Variants in CSMD1 observed in about 807,000 individuals in gnomAD.
CSMD1 encodes CUB and sushi domain-containing protein 1.
In CSMD1, 213 loss-of-function variants were observed where a neutral mutation model predicts 417.5. The observed-to-expected ratio is 0.51, with a 90% confidence interval of 0.46 to 0.57. CSMD1 has a LOEUF of 0.57. Ranked by LOEUF, CSMD1 falls within the 20% of genes least tolerant of loss-of-function variation. The pLI is 0.00. For missense variants in CSMD1, 6,923 were observed against 4,529.7 expected, an observed-to-expected ratio of 1.53 and a Z score of -15.17; for synonymous variants, 2,862 against 1,736.8, an observed-to-expected ratio of 1.65 and a Z score of -16.11.
chr8:3,240,351 T>G (rs576536986), intron 26 of CSMD1, among the ~76,000 whole-genome samples: 8 of 152,230 alleles, frequency 5.3e-5, no homozygotes, highest in Admixed American at 4.6e-4. Flanking sequence ...TTTGTGAGTT[T>G]ATATAATGGT....
intron 50 of CSMD1, among the ~76,000 whole-genome samples, chr8:3,048,564 G>A (rs572292475): frequency 2.0e-4 from 30 of 152,182 alleles, no homozygotes; most frequent in Non-Finnish European, 3.5e-4. Context: ...CAGACCTTTT[G>A]CCCTTCAGAA....
intron 3 of CSMD1, among the ~76,000 whole-genome samples, chr8:4,213,123 C>G (rs1800422817): frequency 1.3e-5 from 2 of 152,058 alleles, no homozygotes; most frequent in African/African-American, 4.8e-5. Flanking sequence ...TGCTTAGACT[C>G]AAAGACAACA....
intron 11 of CSMD1, among the ~76,000 whole-genome samples, chr8:3,485,674 C>G (rs1817987799): frequency 6.6e-6 from 1 of 151,592 alleles, no homozygotes; most frequent in Non-Finnish European, 1.5e-5. Context: ...GCATGAGAAT[C>G]CCTTGAACTT....
chr8:4,146,602 T>TTTC (rs1195535202), intron 3 of CSMD1, among the ~76,000 whole-genome samples: 3 of 48,486 alleles, frequency 6.2e-5, no homozygotes, highest in Non-Finnish European at 1.0e-4. Context: ...ACATTTTTTT[T>TTTC]TTTTTTTTTT....
chr8:3,574,543 G>A (rs144639167), intron 10 of CSMD1, among the ~76,000 whole-genome samples: 78 of 152,226 alleles, frequency 5.1e-4, no homozygotes, highest in South Asian at 1.0e-3. Flanking sequence ...GACTGAGCCC[G>A]GCCAAAAGAC....
intron 2 of CSMD1, among the ~76,000 whole-genome samples, chr8:4,633,625 G>A (rs1802666657): frequency 6.6e-6 from 1 of 151,736 alleles, no homozygotes; most frequent in East Asian, 1.9e-4. Flanking sequence ...GGCATGATCT[G>A]CACTCACTGC....
chr8:4,927,785 G>T (rs192241363), intron 1 of CSMD1, among the ~76,000 whole-genome samples: 356 of 152,202 alleles, frequency 2.3e-3, no homozygotes, highest in African/African-American at 7.8e-3. Flanking sequence ...CTGAAACCTT[G>T]GATTCCAACT....
chr8:4,040,180 G>A (rs1165682336), intron 3 of CSMD1, among the ~76,000 whole-genome samples: 4 of 152,140 alleles, frequency 2.6e-5, no homozygotes, highest in African/African-American at 9.7e-5. Context: ...TAGTTGTAAT[G>A]GAAGTGAAGG....
At chr8:4,128,880 G>C (rs1463337610) in intron 3 of CSMD1, among the ~76,000 whole-genome samples, 1 of 152,008 alleles carries the variant, frequency 6.6e-6, no homozygotes, top group African/African-American at 2.4e-5. Flanking sequence ...GCTGTATCAT[G>C]AATATTTCTG....
intron 1 of CSMD1, among the ~76,000 whole-genome samples, chr8:4,909,909 G>C (rs1805550341): frequency 6.6e-6 from 1 of 152,142 alleles, no homozygotes. Flanking sequence ...CTTCTTATGA[G>C]GATGGGAGTG....
intron 41 of CSMD1, among the ~76,000 whole-genome samples, chr8:3,129,911 G>C (rs151068109): frequency 8.6e-5 from 13 of 152,044 alleles, no homozygotes; most frequent in Non-Finnish European, 1.9e-4. Flanking sequence ...AGCCCGGGGG[G>C]CGGAGGTTGC....
intron 3 of CSMD1, among the ~76,000 whole-genome samples, chr8:4,120,866 T>C (rs1802447943): frequency 6.6e-6 from 1 of 152,168 alleles, no homozygotes; most frequent in South Asian, 2.1e-4. Flanking sequence ...CAGAAACAAA[T>C]TTTTTCTGTT....
chr8:4,630,748 C>G (rs573954018), intron 2 of CSMD1, among the ~76,000 whole-genome samples: 10 of 152,218 alleles, frequency 6.6e-5, no homozygotes, highest in African/African-American at 1.9e-4. Flanking sequence ...ACCTGTTGAA[C>G]CAGGTTTCTA....
intron 50 of CSMD1, among the ~76,000 whole-genome samples, chr8:3,048,360 C>T (rs1221508097): frequency 1.3e-5 from 2 of 152,104 alleles, no homozygotes; most frequent in Non-Finnish European, 2.9e-5. Flanking sequence ...GGTAAGAAGA[C>T]ATTATGTTAC....
Position 4,041,618 on chromosome 8 carries a change from A to C in CSMD1, c.416-9519T>G, listed in dbSNP as rs112761005. 4.5e-3 allele frequency among the ~76,000 whole-genome samples: 690 copies of C among 152,284 alleles called. 7 individuals are homozygous for C. The highest frequency in any genetic ancestry group is 0.014 in the African/African-American group (572 of 41,568). Reference sequence around the variant, plus strand: ...ATCAAAAAGTAATAAGCACGCAAAAAAGTAAGAAGATATCCATAAGAAGAA... The same window carrying C: ...ATCAAAAAGTAATAAGCACGCAAAACAGTAAGAAGATATCCATAAGAAGAA... On this transcript the variant is annotated intron_variant, in intron 3 of 69. Coordinates refer to ENST00000635120, the MANE Select transcript of CSMD1 (RefSeq NM_033225.6).
intron 3 of CSMD1, among the ~76,000 whole-genome samples, chr8:4,273,268 G>C (rs924144447): frequency 6.6e-6 from 1 of 152,060 alleles, no homozygotes; most frequent in Admixed American, 6.6e-5. Flanking sequence ...ATTTGTATTA[G>C]TTCACAAATG....
At chr8:4,668,347 G>C (rs2130939320) in intron 1 of CSMD1, among the ~76,000 whole-genome samples, 1 of 151,454 alleles carries the variant, frequency 6.6e-6, no homozygotes, top group Non-Finnish European at 1.5e-5. Context: ...AGGGGTTCTT[G>C]GGCTGCCTTG....
intron 1 of CSMD1, among the ~76,000 whole-genome samples, chr8:4,913,424 CT>C (rs1355434909): frequency 3.2e-4 from 48 of 152,272 alleles, no homozygotes; most frequent in Admixed American, 2.7e-3. Flanking sequence ...TGCTTGGACA[CT>C]CAGTGAATAT....
At chr8:4,698,813 G>A (rs1471844975) in intron 1 of CSMD1, among the ~76,000 whole-genome samples, 1 of 151,452 alleles carries the variant, frequency 6.6e-6, no homozygotes, top group Non-Finnish European at 1.5e-5. Context: ...ACCTGAGACT[G>A]ATTTAGCTTT....
Sources: allele counts gnomAD v4.1 joint callset (sites outside exome capture counted in the v4.1 genomes callset), GRCh38; gene constraint gnomAD v4.1.1; transcripts MANE v1.5; gene names NCBI Gene and HGNC (gene_info 2026-07-23, HGNC 2026-07-21).